Variants in USP34 observed in about 807,000 individuals in gnomAD.
The protein encoded by USP34 is ubiquitin specific peptidase 34.
USP34 carries 70 observed loss-of-function variants against 460.3 expected under a neutral mutation model. The ratio of observed to expected loss-of-function variants is 0.15; its 90% confidence interval spans 0.13 to 0.19. The LOEUF (loss-of-function observed/expected upper bound fraction) is 0.19. USP34 is among the 10% of genes least tolerant of loss of function. The probability of loss-of-function intolerance (pLI) is 1.00; values close to 1 mark genes in which losing one functional copy is unlikely to be tolerated. For missense variants in USP34, 3,985 were observed against 4,236.2 expected (o/e 0.94, Z 1.65); for synonymous variants, 1,647 against 1,405.3 (o/e 1.17, Z -3.85).
chr2:61,466,268 T>TA (rs1481327804), intron 1 of USP34, among the ~76,000 whole-genome samples: 1 of 151,516 alleles, frequency 6.6e-6, no homozygotes, highest in Non-Finnish European at 1.5e-5. Context: ...CTACTAAAAA[T>TA]ACAAAAATTA....
chr2:61,273,030 G>A (rs893495446), intron 41 of USP34, among the ~76,000 whole-genome samples: 3 of 152,082 alleles, frequency 2.0e-5, no homozygotes, highest in Non-Finnish European at 4.4e-5. Flanking sequence ...AATTTCAGAT[G>A]GCCTGCAACA....
chr2:61,244,718 A>C (rs749444186), intron 51 of USP34, among the ~76,000 whole-genome samples: 1 of 152,132 alleles, frequency 6.6e-6, no homozygotes, highest in East Asian at 1.9e-4. Context: ...CTGGTGTTAT[A>C]AAAAGCACTG....
At chr2:61,243,577 T>G (rs1480859902) in intron 51 of USP34, among the ~76,000 whole-genome samples, 1 of 117,946 alleles carries the variant, frequency 8.5e-6, no homozygotes, top group Non-Finnish European at 1.8e-5. Context: ...TTTTTTTTTT[T>G]AAAAGGAAAC....
In USP34 at chr2:61,399,047, A is replaced by G. The variant is rs563784063; in HGVS notation, c.553-3814T>C. Among the ~76,000 whole-genome samples, 4 of 152,294 alleles carry G rather than the reference A, an allele frequency of 2.6e-5. No homozygotes were observed. The East Asian group carries it at 7.7e-4, about 29-fold the overall frequency. The stretch of plus-strand genomic sequence containing the variant: ...AGAGCCACGATTTCTAGTGCCTAAC[A>G]TGGGCACAGCTAAAAAATCTCCTAA... On this transcript the variant is annotated intron_variant, in intron 3 of 79. Transcript: ENST00000398571.
At chr2:61,267,524 C>A (rs1374227986) in intron 41 of USP34, among the ~76,000 whole-genome samples, 6 of 151,442 alleles carry the variant, frequency 4.0e-5, no homozygotes, top group Admixed American at 3.9e-4. Flanking sequence ...CTCACTGCAA[C>A]CACCGCTGCC....
At chr2:61,316,964 T>C (rs1690769949) in intron 23 of USP34, among the ~76,000 whole-genome samples, 1 of 152,212 alleles carries the variant, frequency 6.6e-6, no homozygotes, top group African/African-American at 2.4e-5. Context: ...TGCTAAGAGA[T>C]ACAAGTATTC....
At chr2:61,239,318 A>G (rs1046125954) in intron 53 of USP34, among the ~76,000 whole-genome samples, 2 of 150,008 alleles carry the variant, frequency 1.3e-5, no homozygotes. Flanking sequence ...ACACACACAC[A>G]CACACACACA....
intron 64 of USP34, 114 bp from the exon 65 acceptor site, chr2:61,222,777 G>A (rs983905180): frequency 5.3e-6 from 5 of 952,206 alleles, no homozygotes; most frequent in Non-Finnish European, 8.1e-6. Context: ...GCTCACTGCA[G>A]CCTCCACTTC....
intron 49 of USP34, among the ~76,000 whole-genome samples, chr2:61,246,820 TATAAA>T (rs1373699899): frequency 6.6e-6 from 1 of 152,068 alleles, no homozygotes; most frequent in African/African-American, 2.4e-5. Context: ...AAAGTATAAA[TATAAA>T]ATATTTCTTT....
rs780939378 is a variant in USP34 at position 61,190,396 on chromosome 2, A to G, written c.9748T>C (p.Ser3250Pro). 7.5e-6 allele frequency: 12 copies of G among 1,608,616 alleles called. No individual in the cohort carries two copies. The African/African-American group carries it at 1.6e-4, about 22-fold the overall frequency. The stretch of plus-strand genomic sequence containing the variant: ...ATCAAATTGGCACAGTTTGCTTCAG[A>G]AAACACTTGACTTTGAACCTGAAAA... ...FLLKVQSQVF[S>P]EANCANLIST... The change falls in exon 78 of 80, where the codon TCT becomes CCT. Residue 3250 changes from serine (S) to proline (P), a missense_variant. This residue lies in a region of USP34 where 506 missense variants were observed against 439.0 expected (regional missense o/e 1.15). Coordinates refer to ENST00000398571, the MANE Select transcript of USP34 (RefSeq NM_014709.4).
chr2:61,312,017 T>C, intron 25 of USP34, 107 bp from the exon 26 acceptor site: 2 of 1,375,362 alleles, frequency 1.5e-6, no homozygotes. Flanking sequence ...AAAGAAGTTC[T>C]AAGTTCATTC....
intron 8 of USP34, among the ~76,000 whole-genome samples, chr2:61,374,271 C>A (rs1373861624): frequency 6.6e-6 from 1 of 152,076 alleles, no homozygotes; most frequent in African/African-American, 2.4e-5. Flanking sequence ...CAAACCGCAT[C>A]CAAGTGGCGC....
At chr2:61,196,813 G>GT (rs1686824153) in intron 75 of USP34, among the ~76,000 whole-genome samples, 2 of 152,140 alleles carry the variant, frequency 1.3e-5, no homozygotes, top group African/African-American at 4.8e-5. Flanking sequence ...GATTACAGGT[G>GT]TGAGTCATCA....
chr2:61,190,462 AC>A (rs1397555436), intron 77 of USP34, 48 bp from the exon 78 acceptor site: 2 of 1,602,202 alleles, frequency 1.2e-6, no homozygotes, highest in Non-Finnish European at 1.7e-6. Context: ...GCATAATGAA[AC>A]CACAAGCATT....
chr2:61,295,058 G>C, intron 31 of USP34, 26 bp from the exon 32 acceptor site: 1 of 1,605,064 alleles, frequency 6.2e-7, no homozygotes, highest in Non-Finnish European at 8.5e-7. Flanking sequence ...AAAAAGTAAG[G>C]CAGAATGGCG....
intron 34 of USP34, among the ~76,000 whole-genome samples, chr2:61,286,956 C>T (rs1458545844): frequency 6.6e-6 from 1 of 151,916 alleles, no homozygotes; most frequent in Non-Finnish European, 1.5e-5. Flanking sequence ...GAAAGGATCA[C>T]AATTAGAGCA....
At chr2:61,190,441 C>T in intron 77 of USP34, 27 bp from the exon 78 acceptor site, 1 of 1,598,824 alleles carries the variant, frequency 6.3e-7, no homozygotes, top group East Asian at 2.2e-5. Context: ...AAAAAAATCT[C>T]CAAAAGACCA....
At chr2:61,347,730 C>T (rs1691815484) in intron 15 of USP34, 140 bp downstream of exon 15, 2 of 1,433,856 alleles carry the variant, frequency 1.4e-6, no homozygotes, top group Non-Finnish European at 1.8e-6. Context: ...TTGAAATTAT[C>T]TATTTGTAGC....
rs200706994 is a variant in USP34 at position 61,278,275 on chromosome 2, G to A, written c.5323C>T (p.Leu1775Phe). The A allele has an allele frequency of 6.6e-5, 107 of 1,613,188 alleles. No individual in the cohort carries two copies. The highest frequency in any genetic ancestry group is 1.6e-4 in the Middle Eastern group (1 of 6,080). Residue 1775 changes from leucine to phenylalanine, a missense_variant, in exon 41 of 80, where the codon CTT becomes TTT. Physicochemically the swap from Leu to Phe is conservative, Grantham distance 22 (BLOSUM62 0). Transcript: ENST00000398571. Reference protein sequence around the residue: ...LADCIRSREILDHQDGNVEDD... With the variant: ...LADCIRSREIFDHQDGNVEDD... ...TCTACATTACCATCCTGATGATCAA[G>A]GATCTCCCTACTACAAAAAAGAAAA...
Sources: allele counts gnomAD v4.1 joint callset (sites outside exome capture counted in the v4.1 genomes callset), GRCh38; gene constraint gnomAD v4.1.1; regional missense constraint gnomAD v4.1.1; transcripts MANE v1.5; gene names NCBI Gene and HGNC (gene_info 2026-07-23, HGNC 2026-07-21).